The following SLC38A1 variants were observed in gnomAD, a reference collection of about 807,000 sequenced individuals.
The protein encoded by SLC38A1 is solute carrier family 38 member 1.
Under a neutral mutation model 60.3 loss-of-function variants are expected in SLC38A1, and 18 were observed. The observed-to-expected ratio is 0.30, with a 90% confidence interval of 0.21 to 0.44. The LOEUF (loss-of-function observed/expected upper bound fraction) is 0.44. SLC38A1 is among the 20% of genes least tolerant of loss of function. SLC38A1 has a pLI of 1.00. For synonymous variants in SLC38A1, 196 were observed against 212.1 expected (o/e 0.92, Z 0.66); for missense variants, 448 against 587.2 (o/e 0.76, Z 2.45).
At position 46,203,383 on chromosome 12, in the gene SLC38A1, T is replaced by C. The variant is rs576455731; in HGVS notation, c.823-294A>G. Among the ~76,000 whole-genome samples the C allele has an allele frequency of 7.9e-5, 12 of 152,254 alleles. No individual in the cohort carries two copies. The East Asian group carries it at 2.3e-3, about 29-fold the overall frequency. ...GTTTATACAGCATGAGCCAGTTACA[T>C]GGCACTCTTCCTAGGATAGCTCGCT... On this transcript the variant is annotated intron_variant, in intron 11 of 16. Coordinates refer to ENST00000398637, the MANE Select transcript of SLC38A1 (RefSeq NM_030674.4).
chr12:46,240,000 A>C (rs1241504592), intron 2 of SLC38A1, 107 bp from the exon 3 acceptor site: 1 of 537,860 alleles, frequency 1.9e-6, no homozygotes, highest in Non-Finnish European at 3.3e-6. Context: ...ATACAATTTT[A>C]CATGTTGCTA....
At position 46,239,661 on chromosome 12, in the gene SLC38A1, T is replaced by C; in HGVS notation, c.122+18A>G. On this transcript the variant is annotated intron_variant, in intron 3 of 16. Transcript: ENST00000398637. ...CATTTCTTTCACTGGATAGAAATGTTAGTGGAAAAATACTCACCTATTTAT... is the reference window on the plus strand; with the variant it reads ...CATTTCTTTCACTGGATAGAAATGTCAGTGGAAAAATACTCACCTATTTAT... The C allele has an allele frequency of 6.2e-7, 1 of 1,613,258 alleles. No homozygotes were observed. The highest frequency in any genetic ancestry group is 8.5e-7 in the Non-Finnish European group (1 of 1,179,646).
intron 2 of SLC38A1, among the ~76,000 whole-genome samples, chr12:46,240,258 A>G (rs938341267): frequency 1.3e-5 from 2 of 152,106 alleles, no homozygotes; most frequent in Admixed American, 6.5e-5. Flanking sequence ...GTGTAATGGC[A>G]CAGTCTCGGC....
At chr12:46,260,634 C>T (rs1316713302) in intron 1 of SLC38A1, among the ~76,000 whole-genome samples, 1 of 152,114 alleles carries the variant, frequency 6.6e-6, no homozygotes, top group African/African-American at 2.4e-5. Flanking sequence ...TGAAGCAGAA[C>T]GCATCACCTG....
chr12:46,240,778 A>G (rs1941419148), intron 2 of SLC38A1, among the ~76,000 whole-genome samples: 1 of 152,232 alleles, frequency 6.6e-6, no homozygotes, highest in African/African-American at 2.4e-5. Flanking sequence ...GAATTAGGGA[A>G]TTAAAAACTC....
chr12:46,251,726 C>T (rs1365885174), intron 1 of SLC38A1, among the ~76,000 whole-genome samples: 3 of 152,130 alleles, frequency 2.0e-5, no homozygotes, highest in Non-Finnish European at 2.9e-5. Context: ...CCAACAGACA[C>T]ATGGAAAAAA....
At chr12:46,250,621 A>AT (rs1380717385) in intron 1 of SLC38A1, among the ~76,000 whole-genome samples, 1 of 152,240 alleles carries the variant, frequency 6.6e-6, no homozygotes, top group African/African-American at 2.4e-5. Flanking sequence ...CCTTAAGCTG[A>AT]TAAGCAACTT....
chr12:46,245,438 C>T (rs1432582421), intron 1 of SLC38A1, among the ~76,000 whole-genome samples: 1 of 152,116 alleles, frequency 6.6e-6, no homozygotes, highest in African/African-American at 2.4e-5. Context: ...CTTAGGACAG[C>T]CATTATCAAA....
intron 13 of SLC38A1, among the ~76,000 whole-genome samples, 184 bp from the exon 14 acceptor site, chr12:46,198,927 C>G (rs577077752): frequency 6.6e-6 from 1 of 152,086 alleles, no homozygotes. Context: ...ACTGTGCATA[C>G]GCGACTTAGC....
At chr12:46,234,032 C>T (rs1002007878) in intron 3 of SLC38A1, among the ~76,000 whole-genome samples, 2 of 152,184 alleles carry the variant, frequency 1.3e-5, no homozygotes, top group African/African-American at 4.8e-5. Context: ...TTCACTTTCC[C>T]TTGAGGAGGT....
In SLC38A1 at chr12:46,268,793, G is replaced by C. The variant is rs559305425; in HGVS notation, c.-476C>G. The C allele has an allele frequency of 1.5e-5, 6 of 395,664 alleles. No individual in the cohort carries two copies. The highest frequency in any genetic ancestry group is 4.1e-5 in the African/African-American group (2 of 48,700). The allele number at this position is 395,664 out of a possible 1,614,324, so 24.5% of individuals were successfully genotyped here. On this transcript the variant is annotated 5_prime_UTR_variant, in exon 1 of 17. Coordinates refer to ENST00000398637, the MANE Select transcript of SLC38A1 (RefSeq NM_030674.4). The surrounding 1 kb of genome is among the most constrained non-coding windows in gnomAD (Gnocchi z 4.4). ...CGCTCGCCTGGCTCTCCTCCTTTCC[G>C]GGCCGATTGCATCAGAATCTCCCCT... is the stretch of plus-strand genomic sequence containing the variant.
In SLC38A1 at chr12:46,203,084, C is replaced by T; in HGVS notation, c.828G>A (p.Val276=). 1 of 1,613,580 alleles carries T rather than the reference C, an allele frequency of 6.2e-7. No homozygotes were observed. Among genetic ancestry groups the T allele is most frequent in the Non-Finnish European group, 8.5e-7 (1 of 1,179,620 alleles). Residue 276 remains valine (V), a synonymous_variant, in exon 12 of 17, where the codon GTG becomes GTA. Transcript: ENST00000398637. ...PKYVTFNSKT[V]YALPTIAFAF... is the part of the protein sequence containing the mutation. Reference sequence around the variant, plus strand: ...CAAATGCAATGGTGGGTAAAGCATACACGGTCTATTTGAGAGAAAAGAATA... The same window carrying T: ...CAAATGCAATGGTGGGTAAAGCATATACGGTCTATTTGAGAGAAAAGAATA...
intron 3 of SLC38A1, chr12:46,239,046 T>A (rs551557776): frequency 2.0e-5 from 3 of 152,280 alleles, no homozygotes; most frequent in Non-Finnish European, 4.4e-5. Context: ...CATTTGGATA[T>A]GGGATGCAGT....
At chr12:46,257,128 C>G (rs1343660479) in intron 1 of SLC38A1, among the ~76,000 whole-genome samples, 3 of 152,306 alleles carry the variant, frequency 2.0e-5, no homozygotes, top group African/African-American at 7.2e-5. Context: ...TTCCAGCAGT[C>G]CCATCAGCTC....
chr12:46,261,831 G>C (rs1942205758), intron 1 of SLC38A1, among the ~76,000 whole-genome samples: 1 of 152,172 alleles, frequency 6.6e-6, no homozygotes, highest in Non-Finnish European at 1.5e-5. Context: ...TTCTCAACTG[G>C]GGACAATTGT....
intron 16 of SLC38A1, among the ~76,000 whole-genome samples, chr12:46,194,963 G>T (rs1939300894): frequency 6.6e-6 from 1 of 152,156 alleles, no homozygotes; most frequent in Non-Finnish European, 1.5e-5. Flanking sequence ...TCTCCGTCTA[G>T]TTTTGTTCCC....
intron 16 of SLC38A1, among the ~76,000 whole-genome samples, chr12:46,190,542 A>G (rs1939104082): frequency 6.6e-6 from 1 of 152,064 alleles, no homozygotes; most frequent in African/African-American, 2.4e-5. Flanking sequence ...ACTAATTTAC[A>G]CTCCCACCAA....
In SLC38A1 at chr12:46,187,364, A is replaced by C. The variant is rs987617619; in HGVS notation, c.*1606T>G. 1 of 152,202 alleles carries C rather than the reference A, an allele frequency of 6.6e-6. No individual in the cohort carries two copies. The highest frequency in any genetic ancestry group is 6.5e-5 in the Admixed American group (1 of 15,268). 9.4% of individuals were successfully genotyped at this position (152,202 alleles called of 1,614,324 possible). A position where few individuals can be genotyped will look rare whatever the true frequency, so the allele number is the denominator to read the frequency against. The stretch of plus-strand genomic sequence containing the variant: ...CTCAGTGAACTTATGTGTTTGGAAA[A>C]TTTAACCAGAATATAGAGGAAGCAT... On this transcript the variant is annotated 3_prime_UTR_variant, in exon 17 of 17. Transcript: ENST00000398637.
At chr12:46,195,644 A>C (rs1939338289) in intron 16 of SLC38A1, 1 of 159,834 alleles carries the variant, frequency 6.3e-6, no homozygotes, top group African/African-American at 2.4e-5. Flanking sequence ...TGAGCTACTC[A>C]AGCCTCAGCA....
Sources: gnomAD v4.1 joint callset for allele counts (sites outside exome capture counted in the v4.1 genomes callset) on GRCh38, gnomAD v4.1.1 for gene constraint, Gnocchi (gnomAD v3.1) non-coding constraint, MANE v1.5 for transcripts, NCBI Gene and HGNC (gene_info 2026-07-23, HGNC 2026-07-21) for gene names.